The following INPP4B variants were observed in gnomAD, a reference collection of about 807,000 sequenced individuals.
INPP4B encodes inositol polyphosphate 4-phosphatase type II.
In INPP4B, 55 loss-of-function variants were observed where a neutral mutation model predicts 122.5. That is an observed-to-expected ratio of 0.45 (90% CI 0.36 to 0.56). The LOEUF (loss-of-function observed/expected upper bound fraction) is 0.56. Ranked by LOEUF, INPP4B falls within the 20% of genes least tolerant of loss-of-function variation. INPP4B has a pLI of 0.00. For synonymous variants in INPP4B, 403 were observed against 388.7 expected, an observed-to-expected ratio of 1.04 and a Z score of -0.43; for missense variants, 1,000 against 1,097.7, an observed-to-expected ratio of 0.91 and a Z score of 1.26.
Position 142,024,684 on chromosome 4 carries a change from C to G in INPP4B, c.*4098G>C, listed in dbSNP as rs1466577477. 1.3e-5 allele frequency: 2 copies of G among 152,042 alleles called. No individual in the cohort carries two copies. Among genetic ancestry groups the G allele is most frequent in the Non-Finnish European group, 2.9e-5 (2 of 67,992 alleles). 9.4% of individuals were successfully genotyped at this position (152,042 alleles called of 1,614,324 possible). ...TGTAACAGTTTTGGTTTCAATTGAG[C>G]TATATTTATTAGAATCTGGGCACAG... is the stretch of plus-strand genomic sequence containing the variant. On this transcript the variant is annotated 3_prime_UTR_variant, in exon 26 of 26. Transcript: ENST00000262992.
intron 3 of INPP4B, among the ~76,000 whole-genome samples, chr4:142,439,572 T>C (rs1811255740): frequency 6.6e-6 from 1 of 152,230 alleles, no homozygotes. Context: ...GGGCTGATTC[T>C]TGACAGAACA....
At chr4:142,110,965 C>T (rs764989093) in intron 22 of INPP4B, among the ~76,000 whole-genome samples, 3 of 151,950 alleles carry the variant, frequency 2.0e-5, no homozygotes, top group Non-Finnish European at 1.5e-5. Context: ...TGTAGTGTAC[C>T]GAAGAAGAGG....
chr4:142,769,125 G>A (rs779083962), intron 1 of INPP4B, among the ~76,000 whole-genome samples: 1 of 152,166 alleles, frequency 6.6e-6, no homozygotes, highest in East Asian at 1.9e-4. Flanking sequence ...ATGACCCCAG[G>A]TTTCTGTGTT....
intron 2 of INPP4B, among the ~76,000 whole-genome samples, chr4:142,718,187 T>C (rs1265541572): frequency 6.6e-6 from 1 of 152,186 alleles, no homozygotes; most frequent in Non-Finnish European, 1.5e-5. Context: ...ATTGAGGTGT[T>C]TGAATTTATG....
At chr4:142,789,914 A>G (rs1776300990) in intron 1 of INPP4B, among the ~76,000 whole-genome samples, 1 of 152,100 alleles carries the variant, frequency 6.6e-6, no homozygotes, top group South Asian at 2.1e-4. Flanking sequence ...CAGAATAGAG[A>G]ACACAGAAAT....
In INPP4B at chr4:142,389,933, C is replaced by T. The variant is rs542690954; in HGVS notation, c.372+13005G>A. Among the ~76,000 whole-genome samples the T allele has an allele frequency of 6.6e-5, 10 of 152,228 alleles. No individual in the cohort carries two copies. In the South Asian group the frequency reaches 1.9e-3, roughly 28 times the overall value. On this transcript the variant is annotated intron_variant, in intron 7 of 25. Coordinates refer to ENST00000262992, the MANE Select transcript of INPP4B (RefSeq NM_001101669.3). Reference sequence around the variant, plus strand: ...GAAAAGATAACACTAAAAGTTTGAACAAGTTGTGAAAGGTTTGTAAAAATT... The same window carrying T: ...GAAAAGATAACACTAAAAGTTTGAATAAGTTGTGAAAGGTTTGTAAAAATT...
In INPP4B at chr4:142,723,608, A is replaced by T. The variant is rs1174391508; in HGVS notation, c.-191+2231T>A. On this transcript the variant is annotated intron_variant, in intron 2 of 25. Coordinates refer to ENST00000262992, the MANE Select transcript of INPP4B (RefSeq NM_001101669.3). ...AACTCACAGGTATCTGCACACATAA[A>T]AGTGTCGGTTAATCCAACAGATTGC... is the stretch of plus-strand genomic sequence containing the variant. Among the ~76,000 whole-genome samples the T allele has an allele frequency of 2.0e-5, 3 of 152,090 alleles. No homozygotes were observed. In the East Asian group the frequency reaches 5.8e-4, roughly 29 times the overall value.
intron 25 of INPP4B, among the ~76,000 whole-genome samples, chr4:142,073,142 T>G (rs1278923799): frequency 6.6e-6 from 1 of 152,134 alleles, no homozygotes; most frequent in Non-Finnish European, 1.5e-5. Flanking sequence ...ATACCAATTT[T>G]GCAAATGATA....
At chr4:142,294,599 G>C (rs1209763080) in intron 9 of INPP4B, among the ~76,000 whole-genome samples, 1 of 151,798 alleles carries the variant, frequency 6.6e-6, no homozygotes, top group Non-Finnish European at 1.5e-5. Flanking sequence ...GTGCTCTCTT[G>C]CTGGATGAAA....
intron 2 of INPP4B, among the ~76,000 whole-genome samples, chr4:142,687,641 CTG>C (rs1759558404): frequency 6.7e-6 from 1 of 150,170 alleles, no homozygotes; most frequent in Non-Finnish European, 1.5e-5. Context: ...TGTGCGGGTT[CTG>C]CAGGGCAAAG....
Position 142,653,403 on chromosome 4 carries a change from C to T in INPP4B, c.-191+72436G>A, listed in dbSNP as rs548841232. Among the ~76,000 whole-genome samples the T allele has an allele frequency of 3.5e-3, 528 of 152,208 alleles. 4 individuals are homozygous for T. The highest frequency in any genetic ancestry group is 3.5e-3 in the Non-Finnish European group (240 of 68,024). On this transcript the variant is annotated intron_variant, in intron 2 of 25. Coordinates refer to ENST00000262992, the MANE Select transcript of INPP4B (RefSeq NM_001101669.3). ...CTAATTAAACTAAAGAGCTTCTGCA[C>T]GGCAAAATAAAATACCATCAGAGTG... is the stretch of plus-strand genomic sequence containing the variant.
intron 14 of INPP4B, among the ~76,000 whole-genome samples, chr4:142,200,569 TTTA>T (rs1033155056): frequency 8.0e-4 from 121 of 151,420 alleles, no homozygotes; most frequent in African/African-American, 2.7e-3. Context: ...TTTCATTCTT[TTTA>T]TTATCATTTT....
intron 7 of INPP4B, among the ~76,000 whole-genome samples, chr4:142,364,238 A>T (rs563331121): frequency 6.6e-6 from 1 of 152,122 alleles, no homozygotes; most frequent in South Asian, 2.1e-4. Flanking sequence ...ACTGCAAACA[A>T]TAGGGTCCCT....
chr4:142,814,891 C>T (rs992462057), intron 1 of INPP4B, among the ~76,000 whole-genome samples: 9 of 152,102 alleles, frequency 5.9e-5, no homozygotes, highest in Admixed American at 3.9e-4. Flanking sequence ...GTAGGCTGTG[C>T]ACAGTAACTC....
At chr4:142,728,626 A>G (rs1344452047) in intron 1 of INPP4B, among the ~76,000 whole-genome samples, 2 of 152,180 alleles carry the variant, frequency 1.3e-5, no homozygotes, top group Non-Finnish European at 2.9e-5. Flanking sequence ...AAAGACACAC[A>G]CAGACAGAGT....
At chr4:142,196,940 C>T (rs1458570621) in intron 14 of INPP4B, among the ~76,000 whole-genome samples, 1 of 151,612 alleles carries the variant, frequency 6.6e-6, no homozygotes, top group Non-Finnish European at 1.5e-5. Context: ...GGCTGGTCAA[C>T]ATGATGAAAC....
chr4:142,033,668 A>C (rs1252934224), intron 25 of INPP4B, among the ~76,000 whole-genome samples: 2 of 129,504 alleles, frequency 1.5e-5, no homozygotes, highest in African/African-American at 3.0e-5. Flanking sequence ...TCTCCATTTC[A>C]TTTTTTTTTT....
chr4:142,628,736 A>G (rs887351975), intron 2 of INPP4B, among the ~76,000 whole-genome samples: 11 of 151,980 alleles, frequency 7.2e-5, no homozygotes, highest in Non-Finnish European at 1.5e-4. Context: ...CCTAATGTTT[A>G]GTTTCTTTGC....
At chr4:142,259,205 G>T (rs1402216613) in intron 11 of INPP4B, among the ~76,000 whole-genome samples, 1 of 118,570 alleles carries the variant, frequency 8.4e-6, no homozygotes, top group East Asian at 3.1e-4. Flanking sequence ...GGACTGTTGT[G>T]GGGTGGGGGG....
Sources: allele counts gnomAD v4.1 joint callset (sites outside exome capture counted in the v4.1 genomes callset), GRCh38; gene constraint gnomAD v4.1.1; transcripts MANE v1.5; gene names NCBI Gene and HGNC (gene_info 2026-07-23, HGNC 2026-07-21).